The following SFTPD variants were observed in gnomAD, a reference collection of about 807,000 sequenced individuals.
SFTPD encodes surfactant protein D.
SFTPD carries 18 observed loss-of-function variants against 34.6 expected under a neutral mutation model. The ratio of observed to expected loss-of-function variants is 0.52; its 90% confidence interval spans 0.36 to 0.77. The LOEUF is 0.77. Ranked by LOEUF, SFTPD falls within the 30% of genes least tolerant of loss-of-function variation. The pLI is 0.00. For synonymous variants in SFTPD, 155 were observed against 180.9 expected (o/e 0.86, Z 1.15); for missense variants, 433 against 468.9 (o/e 0.92, Z 0.71).
At chr10:79,973,143 A>T (rs1266111092) in intron 1 of SFTPD, 1 of 152,184 alleles carries the variant, frequency 6.6e-6, no homozygotes, top group Non-Finnish European at 1.5e-5. Context: ...CTTTGTTAGC[A>T]TTTTTGTTAG....
chr10:79,943,740 T>C (rs1842639075), intron 2 of SFTPD, among the ~76,000 whole-genome samples: 1 of 152,190 alleles, frequency 6.6e-6, no homozygotes, highest in African/African-American at 2.4e-5. Context: ...TTCCGTGCCC[T>C]GGGTCCAGCC....
chr10:79,947,516 C>T (rs1317461804), intron 1 of SFTPD, among the ~76,000 whole-genome samples: 2 of 152,106 alleles, frequency 1.3e-5, no homozygotes, highest in Non-Finnish European at 2.9e-5. Context: ...ATGGCAAAAC[C>T]CCATCTCTAC....
At chr10:79,970,069 T>G (rs1396197038) in intron 1 of SFTPD, 2 of 152,232 alleles carry the variant, frequency 1.3e-5, no homozygotes, top group Non-Finnish European at 2.9e-5. Context: ...ATGAAATAAG[T>G]TTCTAATTTC....
intron 7 of SFTPD, among the ~76,000 whole-genome samples, chr10:79,938,549 T>C (rs868837964): frequency 2.6e-5 from 4 of 152,156 alleles, no homozygotes; most frequent in Non-Finnish European, 5.9e-5. Context: ...TCAGACATGC[T>C]CTTTCTATTT....
chr10:79,955,939 A>C (rs1842735656), intron 1 of SFTPD, among the ~76,000 whole-genome samples: 1 of 152,212 alleles, frequency 6.6e-6, no homozygotes, highest in Non-Finnish European at 1.5e-5. Flanking sequence ...TTTTAATCTT[A>C]CTATTGATAA....
At chr10:79,960,907 T>C (rs1842768519) in intron 1 of SFTPD, among the ~76,000 whole-genome samples, 1 of 151,042 alleles carries the variant, frequency 6.6e-6, no homozygotes, top group Non-Finnish European at 1.5e-5. Context: ...ACTACAAGGC[T>C]ACAGTAACCA....
chr10:79,962,495 AT>A lies in SFTPD; in HGVS notation c.37-15834del, dbSNP rs1010414337. On this transcript the variant is annotated intron_variant, in intron 1 of 5. Transcript: ENST00000444384. ...TGATGAAAATCATGTAATGCATCCT[AT>A]TTTTTCCTTATTAATAGCTTTATAA... Among the ~76,000 whole-genome samples, 6 of 151,764 alleles carry A rather than the reference AT, an allele frequency of 4.0e-5. No individual in the cohort carries two copies. In the South Asian group the frequency reaches 8.3e-4, roughly 21 times the overall value.
rs1031828261 is a variant in SFTPD at position 79,941,261 on chromosome 10, C to T, written c.667+137G>A. On this transcript the variant is annotated intron_variant, in intron 6 of 7. Coordinates refer to ENST00000372292, the MANE Select transcript of SFTPD (RefSeq NM_003019.5). Reference sequence around the variant, plus strand: ...ATGCTCCTGCCTTCCAGCCTGTCCGCCTTTCCTGAGTTCCACCCACCAGCT... The same window carrying T: ...ATGCTCCTGCCTTCCAGCCTGTCCGTCTTTCCTGAGTTCCACCCACCAGCT... 3.6e-5 allele frequency: 28 copies of T among 767,256 alleles called. No individual in the cohort carries two copies. In the East Asian group the frequency reaches 7.1e-4, roughly 20 times the overall value. 47.5% of individuals were successfully genotyped at this position (767,256 alleles called of 1,614,324 possible). A position where few individuals can be genotyped will look rare whatever the true frequency, so the allele number is the denominator to read the frequency against.
intron 1 of SFTPD, among the ~76,000 whole-genome samples, chr10:79,954,753 C>A (rs1350477362): frequency 3.3e-5 from 5 of 152,082 alleles, no homozygotes; most frequent in African/African-American, 4.8e-5. Context: ...CTCAATGAGG[C>A]TTTTTGCAGT....
chr10:79,971,227 G>T (rs1455655677), intron 1 of SFTPD: 2 of 152,104 alleles, frequency 1.3e-5, no homozygotes, highest in African/African-American at 4.8e-5. Context: ...TATGGTGAAT[G>T]ATATTTTTAA....
At chr10:79,969,542 C>T (rs970658703) in intron 1 of SFTPD, 2 of 152,066 alleles carry the variant, frequency 1.3e-5, no homozygotes, top group Non-Finnish European at 2.9e-5. Context: ...TTCATTTTCT[C>T]CACATCCTCA....
At chr10:79,940,654 G>T in intron 7 of SFTPD, 51 bp downstream of exon 7, 1 of 1,211,868 alleles carries the variant, frequency 8.3e-7, no homozygotes, top group Non-Finnish European at 1.2e-6. Flanking sequence ...TCAAGATCTA[G>T]TGTGGGGCCC....
intron 1 of SFTPD, among the ~76,000 whole-genome samples, chr10:79,973,740 A>G (rs1019027961): frequency 2.6e-5 from 4 of 151,370 alleles, no homozygotes; most frequent in Admixed American, 2.0e-4. Context: ...GTCTCCTTTC[A>G]TATATACATG....
intron 1 of SFTPD, among the ~76,000 whole-genome samples, chr10:79,974,144 A>G (rs766986981): frequency 2.6e-5 from 4 of 151,548 alleles, no homozygotes; most frequent in African/African-American, 4.8e-5. Flanking sequence ...TCTCAATTAT[A>G]CCCCCAGATA....
At chr10:79,974,533 C>T (rs1277829888) in intron 1 of SFTPD, among the ~76,000 whole-genome samples, 1 of 152,030 alleles carries the variant, frequency 6.6e-6, no homozygotes, top group Non-Finnish European at 1.5e-5. Context: ...GTGATGTGAT[C>T]ATAGTTCTCT....
chr10:79,963,336 G>A (rs1842785829), intron 1 of SFTPD, among the ~76,000 whole-genome samples: 1 of 147,004 alleles, frequency 6.8e-6, no homozygotes, highest in Non-Finnish European at 1.5e-5. Context: ...GTGAGAGTGA[G>A]ACCGTGTCTC....
rs1454744181 is a variant in SFTPD at position 79,959,218 on chromosome 10, C to T, written c.37-12556G>A. Reference sequence around the variant, plus strand: ...GAAAGATCCAAAATTGACACCCTAACGTCACAATTAAAAGAACTAGAAAAG... The same window carrying T: ...GAAAGATCCAAAATTGACACCCTAATGTCACAATTAAAAGAACTAGAAAAG... On this transcript the variant is annotated intron_variant, in intron 1 of 5. Transcript: ENST00000444384. Among the ~76,000 whole-genome samples, 350 of 150,046 alleles carry T rather than the reference C, an allele frequency of 2.3e-3. 2 individuals carry two copies. Among genetic ancestry groups the T allele is most frequent in the Middle Eastern group, 0.014 (4 of 290 alleles).
intron 2 of SFTPD, among the ~76,000 whole-genome samples, chr10:79,943,587 C>T (rs1381512121): frequency 6.6e-6 from 1 of 152,176 alleles, no homozygotes; most frequent in Non-Finnish European, 1.5e-5. Flanking sequence ...GGAAGCCATG[C>T]TCCCGTGGCA....
chr10:79,958,727 C>A (rs1307320477), intron 1 of SFTPD, among the ~76,000 whole-genome samples: 1 of 152,174 alleles, frequency 6.6e-6, no homozygotes, highest in Non-Finnish European at 1.5e-5. Context: ...CAACATTAGA[C>A]AGATCAACAA....
Sources: gnomAD v4.1 joint callset for allele counts (sites outside exome capture counted in the v4.1 genomes callset) on GRCh38, gnomAD v4.1.1 for gene constraint, MANE v1.5 for transcripts, NCBI Gene and HGNC (gene_info 2026-07-23, HGNC 2026-07-21) for gene names.